The following TRANK1 variants were observed in gnomAD, a reference collection of about 807,000 sequenced individuals.
The protein encoded by TRANK1 is TPR and ankyrin repeat-containing protein 1.
In TRANK1, 198 loss-of-function variants were observed where a neutral mutation model predicts 266.0. The ratio of observed to expected loss-of-function variants is 0.74; its 90% confidence interval spans 0.66 to 0.84. TRANK1 has a LOEUF of 0.84. Among genes scored for constraint, TRANK1 ranks in the 40% least tolerant of loss-of-function variants. The probability of loss-of-function intolerance (pLI) is 0.00; values close to 1 mark genes in which losing one functional copy is unlikely to be tolerated. For synonymous variants in TRANK1, 1,396 were observed against 1,384.1 expected (o/e 1.01, Z -0.19); for missense variants, 3,326 against 3,634.6 (o/e 0.92, Z 2.18).
At position 36,832,120 on chromosome 3, in the gene TRANK1, T is replaced by G; in HGVS notation, c.7463A>C (p.Tyr2488Ser). Residue 2488 changes from tyrosine to serine, a missense_variant, in exon 22 of 24, where the codon TAC becomes TCC. Coordinates refer to ENST00000645898, the MANE Select transcript of TRANK1 (RefSeq NM_001329998.2). ...LPKSYIALLH[Y>S]WEFLFSKKDK... ...CTTCTTGCTAAACAGGAACTCCCAG[T>G]AGTGCAAGAGTGCAATGTAGCTCTT... The G allele has an allele frequency of 6.2e-7, 1 of 1,613,906 alleles. No individual in the cohort carries two copies. Among genetic ancestry groups the G allele is most frequent in the Non-Finnish European group, 8.5e-7 (1 of 1,179,874 alleles).
intron 16 of TRANK1, among the ~76,000 whole-genome samples, chr3:36,846,881 T>TAA (rs890396678): frequency 6.6e-6 from 1 of 152,198 alleles, no homozygotes; most frequent in Non-Finnish European, 1.5e-5. Context: ...TAACTATCAC[T>TAA]AGTACTGAAT....
Position 36,879,741 on chromosome 3 carries a change from C to CAAATATAT in TRANK1, c.908-5453_908-5446dup, listed in dbSNP as rs1254895710. Among the ~76,000 whole-genome samples the CAAATATAT allele has an allele frequency of 4.0e-5, 2 of 50,242 alleles. 1 individual carries two copies. Among genetic ancestry groups the CAAATATAT allele is most frequent in the South Asian group, 1.1e-3 (2 of 1,874 alleles). 33.0% of individuals were successfully genotyped at this position (50,242 alleles called of 152,430 possible). ...AAATATATAAATATATATAAATATA[C>CAAATATAT]AAATATATAAATATATATAAATATA... On this transcript the variant is annotated intron_variant, in intron 8 of 23. Coordinates refer to ENST00000645898, the MANE Select transcript of TRANK1 (RefSeq NM_001329998.2).
rs761048687 is a variant in TRANK1, at chr3:36,856,765, A to T, written c.2957T>A (p.Met986Lys). The T allele has an allele frequency of 6.2e-7, 1 of 1,613,938 alleles. No individual in the cohort carries two copies. The highest frequency in any genetic ancestry group is 8.5e-7 in the Non-Finnish European group (1 of 1,179,878). Residue 986 changes from methionine to lysine, a missense_variant, in exon 13 of 24, where the codon ATG becomes AAG. Met to Lys is a moderately conservative substitution (Grantham distance 95). Coordinates refer to ENST00000645898, the MANE Select transcript of TRANK1 (RefSeq NM_001329998.2). Reference sequence around the variant, plus strand: ...GCGAGGTATACGCTTTTGAATTTTCATGTTAGCTGACACTTGGCCTTTATT... The same window carrying T: ...GCGAGGTATACGCTTTTGAATTTTCTTGTTAGCTGACACTTGGCCTTTATT... ...GINKGQVSANMKIQKRIPRCY... is the reference protein window; with the variant it reads ...GINKGQVSANKKIQKRIPRCY...
At chr3:36,940,279 C>T (rs2080479215) in intron 1 of TRANK1, among the ~76,000 whole-genome samples, 2 of 151,024 alleles carry the variant, frequency 1.3e-5, no homozygotes, top group African/African-American at 4.8e-5. Context: ...GGGTGGATCA[C>T]GAGGTCAGGA....
At chr3:36,916,226 C>T (rs1013801605) in intron 1 of TRANK1, among the ~76,000 whole-genome samples, 4 of 152,072 alleles carry the variant, frequency 2.6e-5, no homozygotes, top group East Asian at 3.9e-4. Context: ...TAGTGGCTAC[C>T]GTATTGAACA....
intron 8 of TRANK1, among the ~76,000 whole-genome samples, chr3:36,886,221 G>A (rs919173104): frequency 1.5e-5 from 2 of 136,470 alleles, no homozygotes; most frequent in African/African-American, 5.5e-5. Flanking sequence ...TTCAACCTCC[G>A]CCTCCCAAGT....
intron 8 of TRANK1, among the ~76,000 whole-genome samples, chr3:36,879,292 G>C (rs1190890153): frequency 2.0e-5 from 3 of 151,574 alleles, no homozygotes; most frequent in Non-Finnish European, 2.9e-5. Context: ...CCAACATTTA[G>C]AAAATCTGTT....
chr3:36,864,195 G>A (rs575659611), intron 10 of TRANK1, 124 bp downstream of exon 10: 3 of 1,117,142 alleles, frequency 2.7e-6, no homozygotes, highest in African/African-American at 3.2e-5. Flanking sequence ...TGTGCTGTCT[G>A]AATGTTTTAC....
chr3:36,852,235 C>G lies in TRANK1; in HGVS notation c.4660G>C (p.Val1554Leu). The G allele has an allele frequency of 6.2e-7, 1 of 1,613,764 alleles. No individual in the cohort carries two copies. Among genetic ancestry groups the G allele is most frequent in the Non-Finnish European group, 8.5e-7 (1 of 1,179,854 alleles). Residue 1554 changes from valine to leucine, a missense_variant, in exon 14 of 24, where the codon GTT (valine) becomes CTT (leucine). Physicochemically the swap from Val to Leu is conservative, Grantham distance 32 (BLOSUM62 1). Transcript: ENST00000645898. The part of the protein sequence containing the change: ...SGLFDGPKPT[V>L]LESCSVSDLA... ...TCGCTTACACTACAAGACTCCAGAA[C>G]AGTTGGCTTAGGACCATCAAAGAGG...
rs745509328 is a variant in TRANK1, at chr3:36,851,720, T to A, written c.4886A>T (p.Glu1629Val). Reference protein sequence around the residue: ...VLLYNFFTDSEAYKEWKIISS... With the variant: ...VLLYNFFTDSVAYKEWKIISS... ...TGAAAAGAATTAGGTGTGACATACC[T>A]CAGAATCAGTAAAAAAGTTGTAAAG... is the stretch of plus-strand genomic sequence containing the variant. The change falls in exon 15 of 24, where the codon GAG (glutamate) becomes GTG (valine). Residue 1629 changes from glutamate (E) to valine (V), a missense_variant and splice_region_variant. Physicochemically the swap from Glu to Val is moderately radical, Grantham distance 121 (BLOSUM62 -2). Coordinates refer to ENST00000645898, the MANE Select transcript of TRANK1 (RefSeq NM_001329998.2). 2 of 1,610,498 alleles carry A rather than the reference T, an allele frequency of 1.2e-6. No homozygotes were observed. Among genetic ancestry groups the A allele is most frequent in the African/African-American group, 2.7e-5 (2 of 74,676 alleles).
rs755159346 is a variant in TRANK1 at position 36,831,388 on chromosome 3, A to G, written c.8195T>C (p.Leu2732Pro). 12 of 1,613,120 alleles carry G rather than the reference A, an allele frequency of 7.4e-6. No homozygotes were observed. In the Admixed American group the frequency reaches 1.5e-4, roughly 20 times the overall value. ...CACTCTTCTCCTCCAACTGATGCAC[A>G]GAGACACCACCAGGCATGCCCTCCT... is the stretch of plus-strand genomic sequence containing the variant. ...KLRRACLVVSLCISWRRRVGT... is the reference protein window; with the variant it reads ...KLRRACLVVSPCISWRRRVGT... The change falls in exon 22 of 24, where the codon CTG (leucine) becomes CCG (proline). Residue 2732 changes from leucine to proline, a missense_variant. Physicochemically the swap from Leu to Pro is moderately conservative, Grantham distance 98 (BLOSUM62 -3). Transcript: ENST00000645898. This position sits in a 1 kb window ranked among gnomAD's most constrained non-coding sequence, Gnocchi z 5.0.
chr3:36,874,125 C>T lies in TRANK1; in HGVS notation c.1078+1G>A. 6.5e-7 allele frequency: 1 copy of T among 1,535,862 alleles called. No individual in the cohort carries two copies. Among genetic ancestry groups the T allele is most frequent in the Non-Finnish European group, 8.7e-7 (1 of 1,146,190 alleles). ...AAAAGTTAATACACTGGAAGCTGTA[C>T]CTGATAGGTCCTTAGAACACGTAGC... On this transcript the variant is annotated splice_donor_variant, in intron 9 of 23. Transcript: ENST00000645898. LOFTEE classifies it high-confidence loss of function.
intron 8 of TRANK1, among the ~76,000 whole-genome samples, chr3:36,877,243 C>T (rs1288819478): frequency 2.0e-5 from 3 of 152,146 alleles, no homozygotes; most frequent in Non-Finnish European, 4.4e-5. Context: ...AACATATACG[C>T]TTTTACTTGT....
intron 9 of TRANK1, among the ~76,000 whole-genome samples, chr3:36,870,899 C>T (rs2079297388): frequency 6.8e-6 from 1 of 147,224 alleles, no homozygotes; most frequent in African/African-American, 2.5e-5. Context: ...AAGAACCTTG[C>T]CTCAGAAGAC....
intron 21 of TRANK1, 94 bp downstream of exon 21, chr3:36,834,668 T>C (rs2078743368): frequency 7.0e-7 from 1 of 1,431,138 alleles, no homozygotes; most frequent in Admixed American, 2.2e-5. Flanking sequence ...TCAAACCATG[T>C]CAGAAGCAGC....
intron 9 of TRANK1, among the ~76,000 whole-genome samples, chr3:36,868,726 A>G (rs1275583557): frequency 6.6e-5 from 10 of 152,228 alleles, no homozygotes; most frequent in Non-Finnish European, 1.3e-4. Context: ...TAAATTTTCT[A>G]AGTATATAAA....
At position 36,856,048 on chromosome 3, in the gene TRANK1, A is replaced by G. The variant is rs2079047915; in HGVS notation, c.3674T>C (p.Leu1225Pro). 1 of 1,613,846 alleles carries G rather than the reference A, an allele frequency of 6.2e-7. No homozygotes were observed. The highest frequency in any genetic ancestry group is 1.1e-5 in the South Asian group (1 of 91,078). The change falls in exon 13 of 24, where the codon CTG becomes CCG. Residue 1225 changes from leucine (L) to proline (P), a missense_variant. Transcript: ENST00000645898. Reference sequence around the variant, plus strand: ...CTGGAGTTTGTGAATGTTGGGGTCCAGTGGTTTGTAATGACTAGTGGCCTT... The same window carrying G: ...CTGGAGTTTGTGAATGTTGGGGTCCGGTGGTTTGTAATGACTAGTGGCCTT... Reference protein sequence around the residue: ...STKATSHYKPLDPNIHKLQDL... With the variant: ...STKATSHYKPPDPNIHKLQDL...
intron 11 of TRANK1, among the ~76,000 whole-genome samples, chr3:36,859,728 CT>C (rs1360510651): frequency 6.6e-6 from 1 of 152,184 alleles, no homozygotes; most frequent in Non-Finnish European, 1.5e-5. Flanking sequence ...GGCTTGGTTC[CT>C]AGCACCTGAT....
intron 1 of TRANK1, among the ~76,000 whole-genome samples, chr3:36,933,147 C>CTTCCCCT (rs2080382384): frequency 6.6e-6 from 1 of 151,698 alleles, no homozygotes; most frequent in South Asian, 2.1e-4. Context: ...GCAGACACCC[C>CTTCCCCT]TTCCCCTTTC....
Sources: allele counts gnomAD v4.1 joint callset (sites outside exome capture counted in the v4.1 genomes callset), GRCh38; gene constraint gnomAD v4.1.1; non-coding constraint Gnocchi (gnomAD v3.1); transcripts MANE v1.5; gene names NCBI Gene and HGNC (gene_info 2026-07-23, HGNC 2026-07-21).